The following SETD7 variants were observed in gnomAD, a reference collection of about 807,000 sequenced individuals.
SETD7 encodes the protein SET domain containing 7, histone lysine methyltransferase, also known as histone-lysine N-methyltransferase SETD7.
In SETD7, 16 loss-of-function variants were observed where a neutral mutation model predicts 41.8. The ratio of observed to expected loss-of-function variants is 0.38; its 90% CI spans 0.26 to 0.58. SETD7 has a LOEUF of 0.58. SETD7 is among the 20% of genes least tolerant of loss of function. The probability of loss-of-function intolerance (pLI) is 0.64; values close to 1 mark genes in which losing one functional copy is unlikely to be tolerated. For synonymous variants in SETD7, 163 were observed against 169.7 expected (o/e 0.96, Z 0.31); for missense variants, 346 against 459.7 (o/e 0.75, Z 2.26).
At chr4:139,496,489 C>T (rs1364477814) in exon 8 of SETD7, 6 of 702,224 alleles carry the variant, frequency 8.5e-6, no homozygotes, top group Non-Finnish European at 1.6e-5. Context: ...AAATCTGCTT[C>T]TTTTACACGT....
At chr4:139,503,302 A>G (rs1726625198), downstream of SETD7, among the ~76,000 whole-genome samples, 1 of 151,930 alleles carries the variant, frequency 6.6e-6, no homozygotes, top group Non-Finnish European at 1.5e-5. Context: ...GGAAAGGAAG[A>G]CACAGGATAC....
At chr4:139,537,083 C>T (rs1417570142) in intron 2 of SETD7, among the ~76,000 whole-genome samples, 1 of 152,192 alleles carries the variant, frequency 6.6e-6, no homozygotes, top group East Asian at 1.9e-4. Context: ...TCAAGTGATT[C>T]TCCTGCCTCA....
intron 2 of SETD7, among the ~76,000 whole-genome samples, chr4:139,537,314 G>C (rs1285178237): frequency 6.6e-6 from 1 of 152,162 alleles, no homozygotes; most frequent in Non-Finnish European, 1.5e-5. Context: ...AGCGAGACTT[G>C]TATCCATTAA....
At chr4:139,513,429 A>AG (rs1270051248) in intron 7 of SETD7, among the ~76,000 whole-genome samples, 1 of 151,758 alleles carries the variant, frequency 6.6e-6, no homozygotes, top group Non-Finnish European at 1.5e-5. Context: ...CAAAAAAAAA[A>AG]AAAAAGAAAA....
intron 1 of SETD7, among the ~76,000 whole-genome samples, chr4:139,549,067 T>G (rs1209433922): frequency 6.6e-6 from 1 of 152,348 alleles, no homozygotes; most frequent in Non-Finnish European, 1.5e-5. Flanking sequence ...CTTTTTTTAG[T>G]GAAATGTTGT....
rs1052228744 is a variant in SETD7, at chr4:139,542,200, A to G, written c.170+4720T>C. On this transcript the variant is annotated intron_variant, in intron 2 of 7. Transcript: ENST00000274031. ...GGGAATCTGAAAAAGCTGATCTTACAGAAGTAGAGAACAGAACAGTGGTTA... is the reference window on the plus strand; with the variant it reads ...GGGAATCTGAAAAAGCTGATCTTACGGAAGTAGAGAACAGAACAGTGGTTA... Among the ~76,000 whole-genome samples the G allele has an allele frequency of 2.6e-5, 4 of 152,328 alleles. No individual in the cohort carries two copies. The South Asian group carries it at 8.3e-4, about 32-fold the overall frequency.
chr4:139,550,570 CA>C (rs1376272388), intron 1 of SETD7, among the ~76,000 whole-genome samples: 1 of 152,180 alleles, frequency 6.6e-6, no homozygotes, highest in Non-Finnish European at 1.5e-5. Context: ...AAAACAATAA[CA>C]GAGACTTTCC....
intron 1 of SETD7, among the ~76,000 whole-genome samples, chr4:139,551,737 T>C (rs1257985492): frequency 1.3e-5 from 2 of 152,234 alleles, no homozygotes; most frequent in African/African-American, 4.8e-5. Context: ...CAACAATTAA[T>C]AGGCCGGGCG....
At chr4:139,513,288 C>T (rs1405089993) in intron 7 of SETD7, among the ~76,000 whole-genome samples, 20 of 151,758 alleles carry the variant, frequency 1.3e-4, no homozygotes, top group African/African-American at 2.7e-4. Flanking sequence ...GGTGTGGTGG[C>T]GCACACCTGT....
At chr4:139,503,936 T>C (rs912349829), downstream of SETD7, among the ~76,000 whole-genome samples, 3 of 152,140 alleles carry the variant, frequency 2.0e-5, no homozygotes, top group South Asian at 6.2e-4. Flanking sequence ...TTTTCATCTA[T>C]TGGATGGGGC....
chr4:139,540,188 G>A lies in SETD7; in HGVS notation c.170+6732C>T, dbSNP rs772217281. ...CTGAAAAGCAGGTATAATTATCTCC[G>A]TTTTACAAATTAAGTAAATGGAAGT... is the stretch of plus-strand genomic sequence containing the variant. On this transcript the variant is annotated intron_variant, in intron 2 of 7. Coordinates refer to ENST00000274031, the MANE Select transcript of SETD7 (RefSeq NM_030648.4). Among the ~76,000 whole-genome samples the A allele has an allele frequency of 8.5e-5, 13 of 152,224 alleles. 1 individual carries two copies. Among genetic ancestry groups the A allele is most frequent in the South Asian group, 6.2e-4 (3 of 4,826 alleles).
intron 2 of SETD7, among the ~76,000 whole-genome samples, chr4:139,536,756 C>T (rs1345023352): frequency 6.6e-6 from 1 of 150,952 alleles, no homozygotes; most frequent in East Asian, 2.0e-4. Flanking sequence ...GTAATCCCAG[C>T]CCTTTGGAGG....
chr4:139,547,332 C>T (rs1446530995), intron 1 of SETD7, among the ~76,000 whole-genome samples: 1 of 152,182 alleles, frequency 6.6e-6, no homozygotes, highest in Non-Finnish European at 1.5e-5. Flanking sequence ...TTGCTTTTTA[C>T]CTGGAACTGA....
intron 1 of SETD7, among the ~76,000 whole-genome samples, chr4:139,553,983 G>A (rs1364796427): frequency 6.6e-6 from 1 of 152,180 alleles, no homozygotes; most frequent in East Asian, 1.9e-4. Context: ...TACTGCATGT[G>A]CACACACACA....
At chr4:139,540,596 G>A (rs1374503180) in intron 2 of SETD7, among the ~76,000 whole-genome samples, 1 of 152,114 alleles carries the variant, frequency 6.6e-6, no homozygotes, top group African/African-American at 2.4e-5. Flanking sequence ...ATGTCAAATG[G>A]GATTATAAAA....
rs1726856531 is a variant in SETD7 at position 139,511,077 on chromosome 4, G to GA, written c.*585_*586insT. On this transcript the variant is annotated 3_prime_UTR_variant, in exon 8 of 8. Transcript: ENST00000274031. ...ATTTGGAAGTTTTCTCTTGTAAAGG[G>GA]TATCTAAGAAAGAGAATAGGGCTGA... is the stretch of plus-strand genomic sequence containing the variant. The GA allele has an allele frequency of 6.6e-6, 1 of 152,544 alleles. No individual in the cohort carries two copies. Among genetic ancestry groups the GA allele is most frequent in the Admixed American group, 6.5e-5 (1 of 15,272 alleles). The allele number at this position is 152,544 out of a possible 1,614,324, so 9.4% of individuals were successfully genotyped here.
At chr4:139,533,060 C>T in intron 3 of SETD7, 105 bp downstream of exon 3, 1 of 983,552 alleles carries the variant, frequency 1.0e-6, no homozygotes, top group Non-Finnish European at 1.6e-6. Flanking sequence ...TGGTGACTCT[C>T]AGGTTTCACA....
intron 6 of SETD7, among the ~76,000 whole-genome samples, chr4:139,518,574 G>C (rs1219347856): frequency 1.3e-5 from 2 of 150,902 alleles, no homozygotes; most frequent in Non-Finnish European, 3.0e-5. Context: ...TGTTCTATAT[G>C]AAAAAAAAGG....
intron 2 of SETD7, among the ~76,000 whole-genome samples, chr4:139,538,928 G>A: frequency 6.6e-6 from 1 of 151,982 alleles, no homozygotes; most frequent in African/African-American, 2.4e-5. Flanking sequence ...CCAACCTCTT[G>A]TACTTAAGAG....
Sources: gnomAD v4.1 joint callset for allele counts (sites outside exome capture counted in the v4.1 genomes callset) on GRCh38, gnomAD v4.1.1 for gene constraint, MANE v1.5 for transcripts, NCBI Gene and HGNC (gene_info 2026-07-23, HGNC 2026-07-21) for gene names.